Variants in MICAL2 observed in about 807,000 individuals in gnomAD.
MICAL2 encodes the protein [F-actin]-monooxygenase MICAL2.
In MICAL2, 77 loss-of-function variants were observed where a neutral mutation model predicts 127.3. The ratio of observed to expected loss-of-function variants is 0.60; its 90% CI spans 0.50 to 0.73. The LOEUF (loss-of-function observed/expected upper bound fraction) is 0.73. MICAL2 is among the 30% of genes least tolerant of loss of function. The pLI is 0.00. For synonymous variants in MICAL2, 570 were observed against 551.1 expected, an observed-to-expected ratio of 1.03 and a Z score of -0.48; for missense variants, 1,351 against 1,434.4, an observed-to-expected ratio of 0.94 and a Z score of 0.94.
chr11:12,346,735 C>G (rs1045678849), intron 32 of MICAL2, among the ~76,000 whole-genome samples: 1 of 152,180 alleles, frequency 6.6e-6, no homozygotes, highest in Non-Finnish European at 1.5e-5. Context: ...ACCATGAGCT[C>G]CCAGTTACCT....
intron 21 of MICAL2, among the ~76,000 whole-genome samples, chr11:12,246,378 C>T (rs1487175432): frequency 6.6e-6 from 1 of 152,210 alleles, no homozygotes; most frequent in Non-Finnish European, 1.5e-5. Context: ...CATTGCTGAT[C>T]TGGTCTGTGG....
chr11:12,198,289 A>T (rs1323115753), intron 3 of MICAL2, among the ~76,000 whole-genome samples: 1 of 152,214 alleles, frequency 6.6e-6, no homozygotes, highest in African/African-American at 2.4e-5. Context: ...GAATCAAGTG[A>T]GATGCATTTC....
intron 3 of MICAL2, among the ~76,000 whole-genome samples, chr11:12,194,194 A>G (rs926876765): frequency 2.0e-5 from 3 of 152,186 alleles, no homozygotes; most frequent in Non-Finnish European, 4.4e-5. Context: ...GGTGGATGCC[A>G]TTGTCCTCTC....
rs1433566880 is a variant in MICAL2, at chr11:12,155,394, T to C, written c.-77-6685T>C. On this transcript the variant is annotated intron_variant, in intron 2 of 27. Transcript: ENST00000683283. ...GTATTTGCGCACACATGAATACACATACATATGTGCTCACATATACCATAT... is the reference window on the plus strand; with the variant it reads ...GTATTTGCGCACACATGAATACACACACATATGTGCTCACATATACCATAT... 2.6e-5 allele frequency among the ~76,000 whole-genome samples: 4 copies of C among 152,090 alleles called. No individual in the cohort carries two copies. In the South Asian group the frequency reaches 6.2e-4, roughly 24 times the overall value.
chr11:12,221,737 C>T lies in MICAL2; in HGVS notation c.1300C>T (p.Pro434Ser), dbSNP rs760722801. Residue 434 changes from proline (P) to serine (S), a missense_variant, in exon 10 of 28, where the codon CCC (proline) becomes TCC (serine). Transcript: ENST00000683283. Reference sequence around the variant, plus strand: ...GAAGAGCTGGAACCAGGGCACCCCTCCCCTGGAGCTGCTGGCTGAAAGGTG... The same window carrying T: ...GAAGAGCTGGAACCAGGGCACCCCTTCCCTGGAGCTGCTGGCTGAAAGGTG... ...MVKSWNQGTP[P>S]LELLAERESL... is the part of the protein sequence containing the mutation. The T allele has an allele frequency of 2.5e-5, 41 of 1,613,430 alleles. No homozygotes were observed. Among genetic ancestry groups the T allele is most frequent in the Non-Finnish European group, 3.5e-5 (41 of 1,179,722 alleles).
intron 3 of MICAL2, among the ~76,000 whole-genome samples, chr11:12,192,195 G>A (rs915933501): frequency 6.6e-6 from 1 of 152,118 alleles, no homozygotes; most frequent in Non-Finnish European, 1.5e-5. Context: ...TAATCTGAGG[G>A]ATCTAAGGTC....
chr11:12,196,631 A>G lies in MICAL2; in HGVS notation c.265-7619A>G, dbSNP rs544323654. ...CAAAGGCTGCCCTGACTGCCTCTCT[A>G]CCTCTAGTTTCTTTTCTCTCTTCTT... On this transcript the variant is annotated intron_variant, in intron 3 of 27. Coordinates refer to ENST00000683283, the MANE Select transcript of MICAL2 (RefSeq NM_001282663.2). 2.1e-4 allele frequency among the ~76,000 whole-genome samples: 32 copies of G among 152,174 alleles called. No individual in the cohort carries two copies. In the South Asian group the frequency reaches 6.2e-3, roughly 30 times the overall value.
intron 27 of MICAL2, 22 bp downstream of exon 27, chr11:12,262,559 T>C: frequency 6.3e-7 from 1 of 1,596,010 alleles, no homozygotes. Flanking sequence ...TCTTGCCAAT[T>C]TTCAAAGAGT....
intron 32 of MICAL2, among the ~76,000 whole-genome samples, chr11:12,329,589 C>T (rs575795795): frequency 1.3e-5 from 2 of 152,218 alleles, no homozygotes; most frequent in South Asian, 4.2e-4. Flanking sequence ...CCTCTCTGGT[C>T]CTAGATTTTT....
At chr11:12,172,256 T>C (rs1206968620) in intron 3 of MICAL2, among the ~76,000 whole-genome samples, 1 of 152,238 alleles carries the variant, frequency 6.6e-6, no homozygotes, top group Non-Finnish European at 1.5e-5. Flanking sequence ...ACAGGAATTT[T>C]TGCCTATATG....
intron 31 of MICAL2, chr11:12,324,090 A>T: frequency 6.2e-7 from 1 of 1,601,792 alleles, no homozygotes; most frequent in Non-Finnish European, 8.5e-7. Context: ...TAAACTGGAC[A>T]TGAGTGAGTG....
intron 32 of MICAL2, among the ~76,000 whole-genome samples, chr11:12,338,010 G>T (rs1316739800): frequency 6.6e-6 from 1 of 152,138 alleles, no homozygotes; most frequent in East Asian, 1.9e-4. Context: ...CGATATCCTT[G>T]TTAAGTTTCT....
chr11:12,357,530 T>A (rs1305920579), intron 34 of MICAL2, among the ~76,000 whole-genome samples: 1 of 152,176 alleles, frequency 6.6e-6, no homozygotes, highest in Non-Finnish European at 1.5e-5. Context: ...GGCTAGTTTG[T>A]CATTAACTAC....
At chr11:12,353,108 T>C (rs1007725403) in intron 33 of MICAL2, among the ~76,000 whole-genome samples, 1 of 151,900 alleles carries the variant, frequency 6.6e-6, no homozygotes, top group Non-Finnish European at 1.5e-5. Context: ...GCAGGGACCT[T>C]GGCCCATGTA....
At position 12,260,226 on chromosome 11, in the gene MICAL2, A is replaced by G. The variant is rs1049769289; in HGVS notation, c.3334+329A>G. 34 of 1,452,908 alleles carry G rather than the reference A, an allele frequency of 2.3e-5. No homozygotes were observed. In the African/African-American group the frequency reaches 4.5e-4, roughly 19 times the overall value. The allele number at this position is 1,452,908 out of a possible 1,614,324, so 90.0% of individuals were successfully genotyped here. ...CATTTCCAGGGAGGCTTCAGATGGC[A>G]GTGCGTTTGCAGTTTGCTCAGGCTC... On this transcript the variant is annotated intron_variant, in intron 26 of 27. Transcript: ENST00000683283.
chr11:12,325,638 A>G (rs1864345989), intron 31 of MICAL2, among the ~76,000 whole-genome samples: 1 of 152,196 alleles, frequency 6.6e-6, no homozygotes, highest in Non-Finnish European at 1.5e-5. Context: ...CTGTGAGTTC[A>G]CGTGAGCAGA....
At chr11:12,253,434 G>A (rs1241041326) in intron 22 of MICAL2, 3 of 152,248 alleles carry the variant, frequency 2.0e-5, no homozygotes, top group African/African-American at 7.2e-5. Context: ...TGGTCCTGCT[G>A]GGAGGGACCT....
rs193294710 is a variant in MICAL2 at position 12,213,434 on chromosome 11, A to G, written c.847+24A>G. Reference sequence around the variant, plus strand: ...AGGTGGGACCTTCACCTTTCTCCCAACCAGGCCAAGGTCTAAAGTTTGCAG... The same window carrying G: ...AGGTGGGACCTTCACCTTTCTCCCAGCCAGGCCAAGGTCTAAAGTTTGCAG... On this transcript the variant is annotated intron_variant, in intron 7 of 27. Transcript: ENST00000683283. 2.9e-5 allele frequency: 47 copies of G among 1,607,974 alleles called. No homozygotes were observed. The African/African-American group carries it at 3.6e-4, about 12-fold the overall frequency.
At position 12,125,874 on chromosome 11, in the gene MICAL2, T is replaced by G. The variant is rs1035513077; in HGVS notation, c.-148-12516T>G. Among the ~76,000 whole-genome samples, 35 of 152,182 alleles carry G rather than the reference T, an allele frequency of 2.3e-4. 1 individual carries two copies. The highest frequency in any genetic ancestry group is 8.2e-4 in the African/African-American group (34 of 41,444). On this transcript the variant is annotated intron_variant, in intron 1 of 27. Transcript: ENST00000683283. ...GTGCAAGTATTTCTTATTCAGTTTTTTTTTTCTTTAAATAACAGATAATCT... is the reference window on the plus strand; with the variant it reads ...GTGCAAGTATTTCTTATTCAGTTTTGTTTTTCTTTAAATAACAGATAATCT...
Sources: gnomAD v4.1 joint callset for allele counts (sites outside exome capture counted in the v4.1 genomes callset) on GRCh38, gnomAD v4.1.1 for gene constraint, MANE v1.5 for transcripts, NCBI Gene and HGNC (gene_info 2026-07-23, HGNC 2026-07-21) for gene names.